Variants in ZNF724 observed in about 807,000 individuals in gnomAD.
ZNF724 encodes the protein zinc finger protein 724 pseudogene.
Under a neutral mutation model 29.3 loss-of-function variants are expected in ZNF724, and 14 were observed. That is an observed-to-expected ratio of 0.48 (90% CI 0.32 to 0.75). The LOEUF is 0.75. Ranked by LOEUF, ZNF724 falls within the 30% of genes least tolerant of loss-of-function variation. The pLI is 0.04. For missense variants in ZNF724, 557 were observed against 571.2 expected, an observed-to-expected ratio of 0.98 and a Z score of 0.25; for synonymous variants, 180 against 193.6, an observed-to-expected ratio of 0.93 and a Z score of 0.58.
intron 1 of ZNF724, among the ~76,000 whole-genome samples, chr19:23,247,815 A>G (rs111606890): frequency 1.3e-5 from 2 of 152,236 alleles, no homozygotes; most frequent in African/African-American, 4.8e-5. Flanking sequence ...AACAATCTTA[A>G]TGTCTCAAAG....
rs919156141 is a variant in ZNF724 at position 23,222,258 on chromosome 19, G to A, written c.*127C>T. 2.1e-5 allele frequency: 13 copies of A among 611,122 alleles called. No homozygotes were observed. The East Asian group carries it at 3.6e-4, about 17-fold the overall frequency. 37.9% of individuals were successfully genotyped at this position (611,122 alleles called of 1,614,324 possible). A position where few individuals can be genotyped will look rare whatever the true frequency, so the allele number is the denominator to read the frequency against. On this transcript the variant is annotated 3_prime_UTR_variant, in exon 4 of 4. Coordinates refer to ENST00000418100, the MANE Select transcript of ZNF724 (RefSeq NM_001355404.2). ...CTGTTATATCTTTCAGGTTTGTACGGTTTCTCTCCAGTAATTCTCTTCGTT... is the reference window on the plus strand; with the variant it reads ...CTGTTATATCTTTCAGGTTTGTACGATTTCTCTCCAGTAATTCTCTTCGTT...
intron 3 of ZNF724, among the ~76,000 whole-genome samples, chr19:23,225,600 C>T (rs953716758): frequency 7.2e-5 from 11 of 151,868 alleles, no homozygotes; most frequent in Non-Finnish European, 1.0e-4. Context: ...AGCAAGACTC[C>T]GTCTCAAAAA....
chr19:23,226,477 T>A (rs1416050117), intron 3 of ZNF724, among the ~76,000 whole-genome samples: 1 of 152,196 alleles, frequency 6.6e-6, no homozygotes, highest in Non-Finnish European at 1.5e-5. Flanking sequence ...AGTCCTAATA[T>A]GTACACTTAA....
chr19:23,248,399 G>A (rs575493024), intron 1 of ZNF724, among the ~76,000 whole-genome samples: 1 of 152,156 alleles, frequency 6.6e-6, no homozygotes, highest in African/African-American at 2.4e-5. Flanking sequence ...TCAAGCCAGA[G>A]TTAGGCTGGA....
At chr19:23,236,865 T>C (rs907813398) in intron 1 of ZNF724, 4 of 152,190 alleles carry the variant, frequency 2.6e-5, no homozygotes, top group Non-Finnish European at 4.4e-5. Flanking sequence ...TTTTTATTTT[T>C]TTTTTGAGAC....
In ZNF724 at chr19:23,223,589, A is replaced by G. The variant is rs1426577670; in HGVS notation, c.656T>C (p.Ile219Thr). 1.4e-6 allele frequency: 1 copy of G among 718,786 alleles called. No homozygotes were observed. The highest frequency in any genetic ancestry group is 2.6e-6 in the Non-Finnish European group (1 of 387,774). The allele number at this position is 718,786 out of a possible 1,614,324, so 44.5% of individuals were successfully genotyped here. A position where few individuals can be genotyped will look rare whatever the true frequency, so the allele number is the denominator to read the frequency against. ...TTTGTAGTGTTTTTGTCCTGTATGA[A>G]TTCTCTTATGTTGAGAAAGGGTTGA... is the stretch of plus-strand genomic sequence containing the variant. ...VSSTLSQHKR[I>T]HTGQKHYKCE... is the part of the protein sequence containing the mutation. The change falls in exon 4 of 4, where the codon ATT (isoleucine) becomes ACT (threonine). Residue 219 changes from isoleucine to threonine, a missense_variant. Physicochemically the swap from Ile to Thr is moderately conservative, Grantham distance 89. Around this residue, in one of 3 missense-constraint regions of ZNF724, gnomAD observed 362 missense variants for 295.5 expected, o/e 1.22. Transcript: ENST00000418100.
chr19:23,228,728 G>A (rs911658730), intron 3 of ZNF724, among the ~76,000 whole-genome samples: 6 of 152,012 alleles, frequency 3.9e-5, no homozygotes, highest in African/African-American at 7.2e-5. Context: ...GTGAAACCCC[G>A]TCTCTACTAA....
At chr19:23,228,765 A>G (rs1971883652) in intron 3 of ZNF724, among the ~76,000 whole-genome samples, 1 of 151,766 alleles carries the variant, frequency 6.6e-6, no homozygotes. Flanking sequence ...CAGGTGTGGT[A>G]GCATGTACCA....
At chr19:23,228,409 G>T (rs919008049) in intron 3 of ZNF724, among the ~76,000 whole-genome samples, 3 of 151,722 alleles carry the variant, frequency 2.0e-5, no homozygotes, top group African/African-American at 7.3e-5. Flanking sequence ...AGCCAAGATC[G>T]GGCCACTGCA....
intron 3 of ZNF724, among the ~76,000 whole-genome samples, chr19:23,224,582 C>T (rs1971791022): frequency 6.6e-6 from 1 of 151,944 alleles, no homozygotes; most frequent in Non-Finnish European, 1.5e-5. Context: ...ATGCAAAGAG[C>T]CACAAAGAAA....
chr19:23,223,118 T>A lies in ZNF724; in HGVS notation c.1127A>T (p.Asn376Ile), dbSNP rs1971752605. 7.9e-7 allele frequency: 1 copy of A among 1,267,730 alleles called. No homozygotes were observed. The highest frequency in any genetic ancestry group is 1.2e-6 in the Non-Finnish European group (1 of 865,442). The allele number at this position is 1,267,730 out of a possible 1,614,324, so 78.5% of individuals were successfully genotyped here. A position where few individuals can be genotyped will look rare whatever the true frequency, so the allele number is the denominator to read the frequency against. Residue 376 changes from asparagine to isoleucine, a missense_variant, in exon 4 of 4, where the codon AAC becomes ATC. Transcript: ENST00000418100. ...YKCEECGKAF[N>I]VSSTLTQHKR... ...ATGTTGAGTAAGAGTTGAGGACACG[T>A]TAAAGGCTTTGCCACACTCTTCACA...
At chr19:23,232,414 C>T (rs1971952447) in intron 1 of ZNF724, 121 bp from the exon 2 acceptor site, 1 of 621,584 alleles carries the variant, frequency 1.6e-6, no homozygotes, top group Admixed American at 2.9e-5. Flanking sequence ...ATGAAATTAT[C>T]CAAATGAAGT....
At chr19:23,238,272 G>A (rs1025492130) in intron 1 of ZNF724, among the ~76,000 whole-genome samples, 2 of 152,192 alleles carry the variant, frequency 1.3e-5, no homozygotes, top group African/African-American at 4.8e-5. Context: ...GGCTGAGGCA[G>A]GAGAATGGCG....
intron 1 of ZNF724, among the ~76,000 whole-genome samples, chr19:23,244,714 T>C (rs1383314579): frequency 6.6e-6 from 1 of 152,198 alleles, no homozygotes; most frequent in Non-Finnish European, 1.5e-5. Context: ...TCAGCACAGA[T>C]GCTGATTCAG....
chr19:23,244,032 A>G (rs1972190086), intron 1 of ZNF724, among the ~76,000 whole-genome samples: 2 of 152,032 alleles, frequency 1.3e-5, no homozygotes, highest in African/African-American at 4.8e-5. Context: ...TCATGACACA[A>G]TCTTACCTAT....
chr19:23,226,401 A>C (rs981718913), intron 3 of ZNF724, among the ~76,000 whole-genome samples: 1 of 152,166 alleles, frequency 6.6e-6, no homozygotes, highest in Admixed American at 6.5e-5. Flanking sequence ...CTTTTGGGCT[A>C]AAGTGATTCT....
chr19:23,243,937 A>G (rs927301580), intron 1 of ZNF724, among the ~76,000 whole-genome samples: 2 of 108,394 alleles, frequency 1.8e-5, no homozygotes, highest in Admixed American at 1.2e-4. Context: ...AAAAAAAAAA[A>G]TTAAATTAAA....
At chr19:23,233,362 C>A (rs972575649) in intron 1 of ZNF724, among the ~76,000 whole-genome samples, 12 of 152,016 alleles carry the variant, frequency 7.9e-5, no homozygotes, top group Non-Finnish European at 1.5e-4. Context: ...GTAATAAATG[C>A]CATCCTGTTT....
At chr19:23,229,059 T>A (rs1971889532) in intron 3 of ZNF724, among the ~76,000 whole-genome samples, 1 of 135,962 alleles carries the variant, frequency 7.4e-6, no homozygotes, top group African/African-American at 3.0e-5. Context: ...TGAGACTCCG[T>A]CTCAAAAGAA....
Sources: allele counts gnomAD v4.1 joint callset (sites outside exome capture counted in the v4.1 genomes callset), GRCh38; gene constraint gnomAD v4.1.1; regional missense constraint gnomAD v4.1.1; transcripts MANE v1.5; gene names NCBI Gene and HGNC (gene_info 2026-07-23, HGNC 2026-07-21).